SCARB2: variants seen among roughly 807,000 people sequenced by gnomAD.
SCARB2 encodes the protein scavenger receptor class B member 2.
SCARB2 carries 29 observed loss-of-function variants against 58.6 expected under a neutral mutation model. The observed-to-expected ratio is 0.49, with a 90% CI of 0.37 to 0.67. SCARB2 has a LOEUF of 0.67. Ranked by LOEUF, SCARB2 falls within the 30% of genes least tolerant of loss-of-function variation. SCARB2 has a pLI of 0.00. For missense variants in SCARB2, 488 were observed against 578.5 expected (o/e 0.84, Z 1.60); for synonymous variants, 195 against 210.1 (o/e 0.93, Z 0.62).
At chr4:76,191,606 C>G (rs1034890674) in intron 2 of SCARB2, among the ~76,000 whole-genome samples, 1 of 152,122 alleles carries the variant, frequency 6.6e-6, no homozygotes. Context: ...AGAAGCCAAG[C>G]AGATGCCAGC....
In SCARB2 at chr4:76,179,721, A is replaced by G. The variant is rs1165982311; in HGVS notation, c.424-16T>C. 4 of 1,602,586 alleles carry G rather than the reference A, an allele frequency of 2.5e-6. No individual in the cohort carries two copies. In the South Asian group the frequency reaches 3.3e-5, roughly 13 times the overall value. On this transcript the variant is annotated splice_polypyrimidine_tract_variant and intron_variant, in intron 3 of 11. Transcript: ENST00000264896. ...CTATGACAGTCTGCGGAGCAGAGGT[A>G]TATTAAGACAGCAGCATCCCCTCCA...
intron 2 of SCARB2, among the ~76,000 whole-genome samples, chr4:76,182,536 G>C (rs552874177): frequency 6.6e-6 from 1 of 152,266 alleles, no homozygotes; most frequent in African/African-American, 2.4e-5. Context: ...CTATTGAACA[G>C]AGCTAATTTA....
Position 76,196,072 on chromosome 4 carries a change from G to A in SCARB2, c.118-208C>T, listed in dbSNP as rs11729334. On this transcript the variant is annotated intron_variant, in intron 1 of 11. Transcript: ENST00000264896. ...TTCTAATAAGTCAGAGAAGGCCTTCGATAAATATTTGTAAAGGGGCCGGGC... is the reference window on the plus strand; with the variant it reads ...TTCTAATAAGTCAGAGAAGGCCTTCAATAAATATTTGTAAAGGGGCCGGGC... 0.18 allele frequency among the ~76,000 whole-genome samples: 27,635 copies of A among 152,152 alleles called. 2,723 individuals carry two copies. Among genetic ancestry groups the A allele is most frequent in the East Asian group, 0.35 (1,813 of 5,172 alleles).
intron 9 of SCARB2, among the ~76,000 whole-genome samples, chr4:76,167,607 A>C (rs935436910): frequency 2.6e-5 from 4 of 151,490 alleles, no homozygotes; most frequent in Admixed American, 6.6e-5. Context: ...ACAGAACTGT[A>C]AGCCAATTAA....
intron 6 of SCARB2, chr4:76,175,095 C>T (rs1011229772): frequency 3.9e-5 from 6 of 152,548 alleles, no homozygotes; most frequent in African/African-American, 1.4e-4. Flanking sequence ...GGTGGTTTCA[C>T]TGCACAAACC....
At chr4:76,203,627 G>C (rs1026221845) in intron 1 of SCARB2, among the ~76,000 whole-genome samples, 4 of 152,218 alleles carry the variant, frequency 2.6e-5, no homozygotes, top group African/African-American at 7.2e-5. Context: ...AGGCTGGTCA[G>C]AGACAGAACT....
rs575002558 is a variant in SCARB2 at position 76,161,410 on chromosome 4, G to A, written c.*303C>T. 2.9e-5 allele frequency: 13 copies of A among 454,352 alleles called. No individual in the cohort carries two copies. In the South Asian group the frequency reaches 3.2e-4, roughly 11 times the overall value. 28.1% of individuals were successfully genotyped at this position (454,352 alleles called of 1,614,324 possible). On this transcript the variant is annotated 3_prime_UTR_variant, in exon 12 of 12. Coordinates refer to ENST00000264896, the MANE Select transcript of SCARB2 (RefSeq NM_005506.4). ...CAGAGACATTTTACCCACAATAGTG[G>A]TCACAAAATTCTGGAGCTACCAGCA...
At chr4:76,185,909 A>T (rs985709546) in intron 2 of SCARB2, among the ~76,000 whole-genome samples, 6 of 152,212 alleles carry the variant, frequency 3.9e-5, no homozygotes, top group African/African-American at 1.4e-4. Flanking sequence ...AAATGGAGGT[A>T]ATAACGTACT....
chr4:76,187,075 AC>A lies in SCARB2; in HGVS notation c.276-5975del, dbSNP rs1469669771. ...TAAAGGGTTAATAGGACAGAATTAG[AC>A]AGTATAAACAAAATTCCTGCCTTTG... On this transcript the variant is annotated intron_variant, in intron 2 of 11. Transcript: ENST00000264896. Among the ~76,000 whole-genome samples the A allele has an allele frequency of 2.6e-5, 4 of 152,210 alleles. No individual in the cohort carries two copies. The East Asian group carries it at 7.7e-4, about 29-fold the overall frequency.
chr4:76,230,136 G>A (rs1733468445), intron 1 of SCARB2, among the ~76,000 whole-genome samples: 1 of 152,136 alleles, frequency 6.6e-6, no homozygotes, highest in African/African-American at 2.4e-5. Context: ...GATGGGTAGA[G>A]AAAAACCATG....
intron 10 of SCARB2, 50 bp downstream of exon 10, chr4:76,166,200 T>C (rs1275292948): frequency 1.3e-6 from 2 of 1,575,308 alleles, no homozygotes; most frequent in South Asian, 2.2e-5. Context: ...TCATAATGGA[T>C]TTTTTCTGAG....
At chr4:76,208,368 T>G (rs1732971006) in intron 1 of SCARB2, among the ~76,000 whole-genome samples, 1 of 152,266 alleles carries the variant, frequency 6.6e-6, no homozygotes, top group Admixed American at 6.5e-5. Context: ...GCTTAGGAGT[T>G]AGAGAATCTT....
chr4:76,212,337 G>A (rs1298074493), intron 1 of SCARB2, among the ~76,000 whole-genome samples: 3 of 152,076 alleles, frequency 2.0e-5, no homozygotes, highest in Non-Finnish European at 2.9e-5. Flanking sequence ...GCTTTGCCAT[G>A]GTGCTTTTTG....
At chr4:76,166,126 A>G (rs1158657240) in intron 10 of SCARB2, 124 bp downstream of exon 10, 24 of 937,174 alleles carry the variant, frequency 2.6e-5, no homozygotes, top group Non-Finnish European at 4.3e-5. Flanking sequence ...TTTCTGAGGA[A>G]TAACAGGTTT....
At chr4:76,165,751 A>G (rs1441038726) in intron 10 of SCARB2, 1 of 151,938 alleles carries the variant, frequency 6.6e-6, no homozygotes, top group Non-Finnish European at 1.5e-5. Context: ...TTTATTGAAG[A>G]AAAAAACCTG....
In SCARB2 at chr4:76,163,401, T is replaced by C. The variant is rs371940249; in HGVS notation, c.1240-18A>G. ...TGAACACTCTGGAGAGGCAAGAAAA[T>C]AGTATTCTTGATGACTAAACATCCA... On this transcript the variant is annotated intron_variant, in intron 10 of 11. Transcript: ENST00000264896. 3.7e-5 allele frequency: 59 copies of C among 1,613,756 alleles called. No individual in the cohort carries two copies. The highest frequency in any genetic ancestry group is 4.9e-5 in the Non-Finnish European group (58 of 1,179,812).
chr4:76,212,585 AT>A (rs1366912673), intron 1 of SCARB2, among the ~76,000 whole-genome samples: 1 of 151,976 alleles, frequency 6.6e-6, no homozygotes, highest in African/African-American at 2.4e-5. Flanking sequence ...TCCAGTGATT[AT>A]TTTTCTTTTT....
rs1560707852 is a variant in SCARB2, at chr4:76,174,230, G to A, written c.908C>T (p.Ala303Val). ...FRYKVPAEIL[A>V]NTSDNAGFCI... ...GAAGCCGGCATTGTCTGACGTATTG[G>A]CTAATATTTCTGCAGGAACTTTATA... Residue 303 changes from alanine to valine, a missense_variant, in exon 7 of 12, where the codon GCC becomes GTC. Transcript: ENST00000264896. The A allele has an allele frequency of 2.5e-6, 4 of 1,614,144 alleles. No homozygotes were observed. The highest frequency in any genetic ancestry group is 1.1e-5 in the South Asian group (1 of 91,080).
At chr4:76,163,894 C>T (rs1277114943) in intron 10 of SCARB2, 1 of 182,516 alleles carries the variant, frequency 5.5e-6, no homozygotes, top group Non-Finnish European at 1.2e-5. Context: ...GTATAGCACC[C>T]AGCACACAGT....
Sources: gnomAD v4.1 joint callset for allele counts (sites outside exome capture counted in the v4.1 genomes callset) on GRCh38, gnomAD v4.1.1 for gene constraint, MANE v1.5 for transcripts, NCBI Gene and HGNC (gene_info 2026-07-23, HGNC 2026-07-21) for gene names.